The following CDKL3 variants were observed in gnomAD, a reference collection of about 807,000 sequenced individuals.
The protein encoded by CDKL3 is cyclin dependent kinase like 3.
Under a neutral mutation model 69.3 loss-of-function variants are expected in CDKL3, and 65 were observed. The observed-to-expected ratio is 0.94, with a 90% CI of 0.77 to 1.15. CDKL3 has a LOEUF of 1.15. CDKL3 is among the 50% of genes most tolerant of loss of function. The pLI is 0.00. For missense variants in CDKL3, 652 were observed against 689.2 expected (o/e 0.95, Z 0.61); for synonymous variants, 202 against 221.6 (o/e 0.91, Z 0.79).
intron 6 of CDKL3, among the ~76,000 whole-genome samples, chr5:134,313,845 T>C (rs1053561789): frequency 1.3e-5 from 2 of 152,074 alleles, no homozygotes; most frequent in Non-Finnish European, 2.9e-5. Context: ...TCTTTAAGAC[T>C]GCAACTAGTT....
chr5:134,311,571 A>C (rs1769527548), intron 7 of CDKL3, among the ~76,000 whole-genome samples: 1 of 152,186 alleles, frequency 6.6e-6, no homozygotes, highest in African/African-American at 2.4e-5. Context: ...TGGGAAGTGC[A>C]TGCTAATTAT....
At chr5:134,322,281 G>A (rs1772999657) in intron 4 of CDKL3, among the ~76,000 whole-genome samples, 1 of 152,094 alleles carries the variant, frequency 6.6e-6, no homozygotes, top group African/African-American at 2.4e-5. Flanking sequence ...CAAAGTGCTG[G>A]GATTACAGGT....
At chr5:134,371,266 C>G, upstream of CDKL3, 1 of 420,464 alleles carries the variant, frequency 2.4e-6, no homozygotes, top group East Asian at 5.1e-5. Flanking sequence ...TTTGAATCCA[C>G]AACCTCTAGT....
chr5:134,319,454 G>A lies in CDKL3; in HGVS notation c.696C>T (p.Pro232=). 6.5e-7 allele frequency: 1 copy of A among 1,533,442 alleles called. No individual in the cohort carries two copies. The highest frequency in any genetic ancestry group is 2.2e-5 in the Admixed American group (1 of 45,396). The allele number at this position is 1,533,442 out of a possible 1,614,324, so 95.0% of individuals were successfully genotyped here. A position where few individuals can be genotyped will look rare whatever the true frequency, so the allele number is the denominator to read the frequency against. ...PHLQNIFSKS[P]IFAGVVLPQV... ...GAGGAAGAACTACCCCAGCAAAAATGGGGCTCTTGGAAAAGATATTCTGCA... is the reference window on the plus strand; with the variant it reads ...GAGGAAGAACTACCCCAGCAAAAATAGGGCTCTTGGAAAAGATATTCTGCA... Residue 232 remains proline, a synonymous_variant, in exon 6 of 13, where the codon CCC becomes CCT. Transcript: ENST00000265334.
chr5:134,300,681 T>C (rs992881106), intron 12 of CDKL3, among the ~76,000 whole-genome samples: 2 of 152,218 alleles, frequency 1.3e-5, no homozygotes, highest in Non-Finnish European at 2.9e-5. Context: ...CTATATCATA[T>C]GAACAAGAAG....
intron 6 of CDKL3, among the ~76,000 whole-genome samples, chr5:134,315,883 C>G (rs567281913): frequency 4.7e-4 from 71 of 152,140 alleles, no homozygotes; most frequent in Middle Eastern, 3.4e-3. Flanking sequence ...AAAAATATTT[C>G]TGTGAAAAAA....
At chr5:134,305,335 A>T (rs1009427952) in intron 10 of CDKL3, among the ~76,000 whole-genome samples, 5 of 151,968 alleles carry the variant, frequency 3.3e-5, no homozygotes, top group Non-Finnish European at 7.4e-5. Flanking sequence ...GCTGATCTCA[A>T]ATTCCTGGGA....
At position 134,319,496 on chromosome 5, in the gene CDKL3, G is replaced by T; in HGVS notation, c.654C>A (p.Gly218=). ...TATTCTGCAAGTGAGGTGACAAATT[G>T]CCTGAAAAGAGAAAAAAATGTATAT... The part of the protein sequence containing the change: ...DLLHKIVLKV[G]NLSPHLQNIF... The change falls in exon 6 of 13, where the codon GGC becomes GGA. Residue 218 remains glycine, a splice_region_variant and synonymous_variant. Transcript: ENST00000265334. 6.6e-7 allele frequency: 1 copy of T among 1,519,354 alleles called. No homozygotes were observed. Among genetic ancestry groups the T allele is most frequent in the Non-Finnish European group, 8.8e-7 (1 of 1,137,406 alleles). 94.1% of individuals were successfully genotyped at this position (1,519,354 alleles called of 1,614,324 possible).
At chr5:134,321,255 G>A (rs1323507054) in intron 5 of CDKL3, among the ~76,000 whole-genome samples, 5 of 151,862 alleles carry the variant, frequency 3.3e-5, no homozygotes, top group Admixed American at 6.6e-5. Flanking sequence ...CAGGTGCTCC[G>A]CCTGCCTTGG....
At chr5:134,371,599 T>G (rs780799951), upstream of CDKL3, 2 of 1,612,312 alleles carry the variant, frequency 1.2e-6, no homozygotes, top group Non-Finnish European at 1.7e-6. Context: ...GCGGAGCATG[T>G]CGACCCCGGC....
At chr5:134,334,386 T>C (rs537330931) in intron 4 of CDKL3, among the ~76,000 whole-genome samples, 1 of 152,338 alleles carries the variant, frequency 6.6e-6, no homozygotes, top group African/African-American at 2.4e-5. Context: ...ATTTCTCTAG[T>C]TCTTTTAATT....
chr5:134,349,641 G>T lies in CDKL3; in HGVS notation c.539+608C>A, dbSNP rs893615371. 4.3e-4 allele frequency among the ~76,000 whole-genome samples: 65 copies of T among 152,156 alleles called. 2 individuals are homozygous for T. The highest frequency in any genetic ancestry group is 4.3e-3 in the Admixed American group (65 of 15,268). ...AACAGAAGAGGGAACTCTGCCGAGGGCATGGCACAGCTTAAAGCAAATATA... is the reference window on the plus strand; with the variant it reads ...AACAGAAGAGGGAACTCTGCCGAGGTCATGGCACAGCTTAAAGCAAATATA... On this transcript the variant is annotated intron_variant, in intron 4 of 12. Coordinates refer to ENST00000265334, the MANE Select transcript of CDKL3 (RefSeq NM_001113575.2).
chr5:134,330,574 G>A (rs1299296718), intron 4 of CDKL3, among the ~76,000 whole-genome samples: 2 of 152,110 alleles, frequency 1.3e-5, no homozygotes, highest in African/African-American at 4.8e-5. Context: ...ATGTAGCTGG[G>A]CATGGTGGCA....
intron 4 of CDKL3, among the ~76,000 whole-genome samples, chr5:134,335,563 A>C (rs1168723524): frequency 6.6e-6 from 1 of 152,078 alleles, no homozygotes; most frequent in East Asian, 1.9e-4. Context: ...AAAGGATTTT[A>C]TTTCTCCTTC....
rs772832407 is a variant in CDKL3 at position 134,308,402 on chromosome 5, C to G, written c.1100G>C (p.Arg367Thr). 3 of 1,613,450 alleles carry G rather than the reference C, an allele frequency of 1.9e-6. No homozygotes were observed. The highest frequency in any genetic ancestry group is 2.7e-5 in the African/African-American group (2 of 74,922). Residue 367 changes from arginine to threonine, a missense_variant, in exon 9 of 13, where the codon AGA becomes ACA. Physicochemically the swap from Arg to Thr is moderately conservative, Grantham distance 71. Coordinates refer to ENST00000265334, the MANE Select transcript of CDKL3 (RefSeq NM_001113575.2). The stretch of plus-strand genomic sequence containing the variant: ...CTTTTTTGGTTCTGAGATATCTCCT[C>G]TTCCTCCTTTGACTTTAATAACTCT... ...KVRVIKVKGG[R>T]GDISEPKKKE... is the part of the protein sequence containing the mutation.
intron 11 of CDKL3, among the ~76,000 whole-genome samples, chr5:134,303,062 C>A (rs78839521): frequency 1.3e-5 from 2 of 151,792 alleles, no homozygotes; most frequent in Admixed American, 6.6e-5. Context: ...GACAAAAGTG[C>A]GTTTCATTCT....
intron 9 of CDKL3, among the ~76,000 whole-genome samples, chr5:134,306,970 G>C (rs2149438909): frequency 6.6e-6 from 1 of 152,144 alleles, no homozygotes; most frequent in East Asian, 1.9e-4. Context: ...GGCCAGGCTG[G>C]TCTCGAACTC....
At chr5:134,304,206 C>T (rs750283638) in intron 11 of CDKL3, among the ~76,000 whole-genome samples, 199 bp downstream of exon 11, 23 of 152,042 alleles carry the variant, frequency 1.5e-4, no homozygotes, top group African/African-American at 3.4e-4. Flanking sequence ...TGGGATTACA[C>T]GCCTAAGCCT....
rs745988306 is a variant in CDKL3 at position 134,359,986 on chromosome 5, G to A, written c.271C>T (p.Gln91Ter). 19 of 1,572,240 alleles carry A rather than the reference G, an allele frequency of 1.2e-5. No individual in the cohort carries two copies. The highest frequency in any genetic ancestry group is 1.3e-5 in the Non-Finnish European group (15 of 1,156,618). Residue 91 changes from glutamine to a stop codon, truncating the protein, a stop_gained, in exon 3 of 13, where the codon CAA (glutamine) becomes TAA (stop). Transcript: ENST00000265334. LOFTEE classifies it high-confidence loss of function. Reference sequence around the variant, plus strand: ...CTCTCTAGTCCATGACAATAATGTTGTAACTCATCTAATACTGTGTGGTCA... The same window carrying A: ...CTCTCTAGTCCATGACAATAATGTTATAACTCATCTAATACTGTGTGGTCA... ...FIDHTVLDEL[Q>*]HYCHGLESKR...
Sources: allele counts gnomAD v4.1 joint callset (sites outside exome capture counted in the v4.1 genomes callset), GRCh38; gene constraint gnomAD v4.1.1; transcripts MANE v1.5; gene names NCBI Gene and HGNC (gene_info 2026-07-23, HGNC 2026-07-21).